EEA1: variants seen among roughly 807,000 people sequenced by gnomAD.
The protein encoded by EEA1 is early endosome antigen 1, 162kD.
EEA1 carries 111 observed loss-of-function variants against 209.2 expected under a neutral mutation model. That is an observed-to-expected ratio of 0.53 (90% CI 0.45 to 0.62). The LOEUF (loss-of-function observed/expected upper bound fraction) is 0.62, where lower values mean the gene tolerates loss of function less well. Ranked by LOEUF, EEA1 falls within the 20% of genes least tolerant of loss-of-function variation. EEA1 has a pLI of 0.00. For synonymous variants in EEA1, 536 were observed against 540.6 expected (o/e 0.99, Z 0.12); for missense variants, 1,343 against 1,530.8 (o/e 0.88, Z 2.05).
At chr12:92,825,731 T>G (rs1876266356) in intron 13 of EEA1, among the ~76,000 whole-genome samples, 1 of 151,760 alleles carries the variant, frequency 6.6e-6, no homozygotes, top group South Asian at 2.1e-4. Flanking sequence ...GGGCTAATGA[T>G]GCCAGAAAAT....
intron 10 of EEA1, among the ~76,000 whole-genome samples, chr12:92,836,046 TAA>T (rs1419725018): frequency 6.6e-6 from 1 of 152,120 alleles, no homozygotes; most frequent in African/African-American, 2.4e-5. Flanking sequence ...TGAAATTCAT[TAA>T]AAAATAATAA....
intron 20 of EEA1, among the ~76,000 whole-genome samples, chr12:92,800,287 C>T (rs766608612): frequency 8.5e-5 from 13 of 152,264 alleles, no homozygotes; most frequent in South Asian, 2.1e-4. Context: ...TATTTTACTA[C>T]TACCTTGTTT....
rs139147955 is a variant in EEA1, at chr12:92,887,145, A to G, written c.117+4484T>C. ...GCTGAGGAAAGATTTAATTAATTGG[A>G]TAATTCATTTTTTAATCCAAAATGA... On this transcript the variant is annotated intron_variant, in intron 2 of 28. Transcript: ENST00000322349. 1.1e-3 allele frequency among the ~76,000 whole-genome samples: 171 copies of G among 152,302 alleles called. 7 individuals carry two copies. The East Asian group carries it at 0.029, about 26-fold the overall frequency.
chr12:92,863,744 T>G (rs1878248630), intron 3 of EEA1, among the ~76,000 whole-genome samples: 1 of 152,202 alleles, frequency 6.6e-6, no homozygotes, highest in Non-Finnish European at 1.5e-5. Flanking sequence ...TCCAGGTTAC[T>G]GTTGGTCTTC....
intron 1 of EEA1, among the ~76,000 whole-genome samples, chr12:92,898,954 G>GAA (rs80168486): frequency 1.5e-5 from 2 of 129,174 alleles, no homozygotes; most frequent in African/African-American, 5.8e-5. Flanking sequence ...ACTCATGAGT[G>GAA]AAAAAAAAAA....
chr12:92,910,051 A>G (rs1188256999), intron 1 of EEA1, among the ~76,000 whole-genome samples: 2 of 152,156 alleles, frequency 1.3e-5, no homozygotes, highest in Non-Finnish European at 2.9e-5. Context: ...GCTGAGGCAG[A>G]AGAATCACTT....
At chr12:92,907,650 C>T (rs1180453410) in intron 1 of EEA1, among the ~76,000 whole-genome samples, 1 of 152,190 alleles carries the variant, frequency 6.6e-6, no homozygotes, top group Non-Finnish European at 1.5e-5. Context: ...TAGTTGTTTA[C>T]TAAGAAATCA....
At chr12:92,809,757 T>C (rs1875403801) in intron 17 of EEA1, among the ~76,000 whole-genome samples, 1 of 151,794 alleles carries the variant, frequency 6.6e-6, no homozygotes, top group Non-Finnish European at 1.5e-5. Context: ...GAAACATAAA[T>C]AGTTATTATC....
chr12:92,865,444 T>G (rs1878340484), intron 2 of EEA1, among the ~76,000 whole-genome samples: 1 of 151,814 alleles, frequency 6.6e-6, no homozygotes, highest in Non-Finnish European at 1.5e-5. Flanking sequence ...CCACAGAGTT[T>G]GGATATCTAC....
At position 92,855,201 on chromosome 12, in the gene EEA1, G is replaced by A. The variant is rs780491421; in HGVS notation, c.367-1247C>T. ...TCCCAGCACTTTGGGAGGCCGAGAC[G>A]GACGGATCACGAGGTCAGGAGATCG... On this transcript the variant is annotated intron_variant, in intron 5 of 28. Coordinates refer to ENST00000322349, the MANE Select transcript of EEA1 (RefSeq NM_003566.4). 2.6e-5 allele frequency among the ~76,000 whole-genome samples: 4 copies of A among 152,250 alleles called. No homozygotes were observed. In the East Asian group the frequency reaches 5.8e-4, roughly 22 times the overall value.
At chr12:92,901,358 A>T (rs965818414) in intron 1 of EEA1, among the ~76,000 whole-genome samples, 1 of 150,548 alleles carries the variant, frequency 6.6e-6, no homozygotes, top group Admixed American at 6.6e-5. Context: ...ACCTGAAATA[A>T]GGTACTTCTA....
intron 10 of EEA1, among the ~76,000 whole-genome samples, chr12:92,838,445 TCAAA>T (rs1877022504): frequency 6.6e-6 from 1 of 152,102 alleles, no homozygotes; most frequent in South Asian, 2.1e-4. Flanking sequence ...AAATTAAAAA[TCAAA>T]CAGAGGGACA....
At chr12:92,784,062 A>T (rs1305390695) in intron 22 of EEA1, among the ~76,000 whole-genome samples, 1 of 152,232 alleles carries the variant, frequency 6.6e-6, no homozygotes, top group East Asian at 1.9e-4. Context: ...TGCCAGTAGA[A>T]CACTAAACCC....
intron 1 of EEA1, among the ~76,000 whole-genome samples, chr12:92,928,657 T>C (rs1392938381): frequency 2.6e-5 from 4 of 152,090 alleles, no homozygotes; most frequent in Non-Finnish European, 5.9e-5. Flanking sequence ...GAATCTCCCA[T>C]GGGGCGTTCT....
chr12:92,830,994 CT>C lies in EEA1; in HGVS notation c.1254+1517del, dbSNP rs545729352. ...GGAGAAGACATGTTACAGAAATATT[CT>C]TAATTCTTCTGATTCACTGTATCAT... On this transcript the variant is annotated intron_variant, in intron 11 of 28. Transcript: ENST00000322349. 2.1e-3 allele frequency among the ~76,000 whole-genome samples: 322 copies of C among 152,252 alleles called. 1 individual carries two copies. The highest frequency in any genetic ancestry group is 7.5e-3 in the African/African-American group (313 of 41,566).
chr12:92,880,132 T>C (rs1438757461), intron 2 of EEA1, among the ~76,000 whole-genome samples: 3 of 152,240 alleles, frequency 2.0e-5, no homozygotes, highest in African/African-American at 4.8e-5. Flanking sequence ...CAAACTGCTG[T>C]TGATCTCAAC....
intron 16 of EEA1, among the ~76,000 whole-genome samples, chr12:92,812,696 A>AAAAG (rs1875578468): frequency 6.6e-6 from 1 of 152,098 alleles, no homozygotes; most frequent in Admixed American, 6.5e-5. Flanking sequence ...AGGAGGAAAC[A>AAAAG]TTACTGCTCT....
In EEA1 at chr12:92,787,937, G is replaced by A; in HGVS notation, c.3080C>T (p.Thr1027Ile). 6.2e-7 allele frequency: 1 copy of A among 1,613,030 alleles called. No homozygotes were observed. Among genetic ancestry groups the A allele is most frequent in the Non-Finnish European group, 8.5e-7 (1 of 1,179,548 alleles). Residue 1027 changes from threonine to isoleucine, a missense_variant, in exon 22 of 29, where the codon ACT becomes ATT. Transcript: ENST00000322349. ...GAAATCAGATTGAAGCTGTTTGAAA[G>A]TTTCCTGACTTTTTTCATAGTTGTT... ...LQNNYEKSQE[T>I]FKQLQSDFYG...
rs747222926 is a variant in EEA1 at position 92,802,384 on chromosome 12, AGTAAAT to A, written c.2670+14_2670+19del. 144 of 1,538,688 alleles carry A rather than the reference AGTAAAT, an allele frequency of 9.4e-5. No individual in the cohort carries two copies. In the African/African-American group the frequency reaches 1.9e-3, roughly 20 times the overall value. On this transcript the variant is annotated intron_variant, in intron 19 of 28. Coordinates refer to ENST00000322349, the MANE Select transcript of EEA1 (RefSeq NM_003566.4). ...TAAAATAATCACTTCTACCTAAGAA[AGTAAAT>A]GTAAACTACTAACCAAGTCTAATAT... is the stretch of plus-strand genomic sequence containing the variant.
Sources: allele counts gnomAD v4.1 joint callset (sites outside exome capture counted in the v4.1 genomes callset), GRCh38; gene constraint gnomAD v4.1.1; transcripts MANE v1.5; gene names NCBI Gene and HGNC (gene_info 2026-07-23, HGNC 2026-07-21).